The following CIZ1 variants were observed in gnomAD, a reference collection of about 807,000 sequenced individuals.
CIZ1 encodes the protein CDKN1A interacting zinc finger protein 1.
Under a neutral mutation model 118.6 loss-of-function variants are expected in CIZ1, and 58 were observed. The observed-to-expected ratio is 0.49, with a 90% CI of 0.40 to 0.61. The LOEUF (loss-of-function observed/expected upper bound fraction) is 0.61, where lower values mean the gene tolerates loss of function less well. Among genes scored for constraint, CIZ1 ranks in the 20% least tolerant of loss-of-function variants. CIZ1 has a pLI of 0.00. For synonymous variants in CIZ1, 448 were observed against 443.4 expected, an observed-to-expected ratio of 1.01 and a Z score of -0.13; for missense variants, 921 against 1,115.9, an observed-to-expected ratio of 0.83 and a Z score of 2.49.
At chr9:128,178,308 G>T in intron 9 of CIZ1, 61 bp downstream of exon 9, 2 of 1,550,860 alleles carry the variant, frequency 1.3e-6, no homozygotes, top group Non-Finnish European at 8.7e-7. Flanking sequence ...GGCAGAAAGA[G>T]GCCATCCCAC....
Position 128,203,262 on chromosome 9 carries a change from G to A in CIZ1, c.-6+924C>T, listed in dbSNP as rs1477610052. ...AGGTGAAAACTACGACACCCATGAT[G>A]CCCCGGACGGCGCCTGCGCACGGCG... On this transcript the variant is annotated intron_variant, in intron 1 of 17. Transcript: ENST00000372948. The surrounding 1 kb of genome is among the most constrained non-coding windows in gnomAD (Gnocchi z 5.3). 3 of 221,926 alleles carry A rather than the reference G, an allele frequency of 1.4e-5. No homozygotes were observed. The highest frequency in any genetic ancestry group is 1.2e-4 in the Admixed American group (2 of 16,956). The allele number at this position is 221,926 out of a possible 1,614,324, so 13.7% of individuals were successfully genotyped here.
At chr9:128,202,368 T>A (rs1304198662) in intron 1 of CIZ1, among the ~76,000 whole-genome samples, 1 of 152,148 alleles carries the variant, frequency 6.6e-6, no homozygotes, top group Non-Finnish European at 1.5e-5. Flanking sequence ...TCTGTCTGTG[T>A]GAAAGGGTAC....
chr9:128,166,677 A>AGT lies in CIZ1; in HGVS notation c.2487+80_2487+81dup. ...GGGATTGAGGCCCTGCACAAGAGGG[A>AGT]GTGGCCACTAGCCACCCGAATCAGC... On this transcript the variant is annotated intron_variant, in intron 16 of 16. Coordinates refer to ENST00000372938, the MANE Select transcript of CIZ1 (RefSeq NM_001131016.2). This position sits in a 1 kb window ranked among gnomAD's most constrained non-coding sequence, Gnocchi z 4.4. 1.3e-6 allele frequency: 2 copies of AGT among 1,544,404 alleles called. No individual in the cohort carries two copies. The highest frequency in any genetic ancestry group is 1.8e-6 in the Non-Finnish European group (2 of 1,119,972).
intron 14 of CIZ1, 181 bp downstream of exon 14, chr9:128,168,871 C>T (rs1829776221): frequency 1.1e-6 from 1 of 880,466 alleles, no homozygotes; most frequent in Non-Finnish European, 1.7e-6. Flanking sequence ...TTAACTGCCA[C>T]TCTCTAGTCA....
In CIZ1 at chr9:128,178,979, G is replaced by C. The variant is rs769502179; in HGVS notation, c.1228C>G (p.Gln410Glu). The change falls in exon 8 of 17, where the codon CAG (glutamine) becomes GAG (glutamate). Residue 410 changes from glutamine (Q) to glutamate (E), a missense_variant. Physicochemically the swap from Gln to Glu is conservative, Grantham distance 29. Transcript: ENST00000372938. Reference protein sequence around the residue: ...LKQVQPQVQPQAHSQPPRQVQ... With the variant: ...LKQVQPQVQPEAHSQPPRQVQ... ...TGCCTTGGGGGCTGTGAATGTGCCT[G>C]GGGCTGCACCTGTGGCTGCACCTGC... 4 of 1,613,030 alleles carry C rather than the reference G, an allele frequency of 2.5e-6. No homozygotes were observed. The African/African-American group carries it at 5.3e-5, about 21-fold the overall frequency.
chr9:128,178,957 C>T lies in CIZ1; in HGVS notation c.1250G>A (p.Arg417Lys), dbSNP rs200695614. 4.3e-6 allele frequency: 7 copies of T among 1,613,554 alleles called. No individual in the cohort carries two copies. The Admixed American group carries it at 1.2e-4, about 27-fold the overall frequency. ...CTTCTGCAGCTGCAGCTGCACCTGCCTTGGGGGCTGTGAATGTGCCTGGGG... is the reference window on the plus strand; with the variant it reads ...CTTCTGCAGCTGCAGCTGCACCTGCTTTGGGGGCTGTGAATGTGCCTGGGG... ...VQPQAHSQPP[R>K]QVQLQLQKQV... The change falls in exon 8 of 17, where the codon AGG becomes AAG. Residue 417 changes from arginine (R) to lysine (K), a missense_variant. By Grantham distance (26) the Arg-to-Lys change is conservative. Transcript: ENST00000372938.
chr9:128,169,824 C>A, intron 12 of CIZ1, 196 bp downstream of exon 12: 1 of 1,114,132 alleles, frequency 9.0e-7, no homozygotes, highest in South Asian at 1.4e-5. Context: ...TGAGATGGGG[C>A]CTGGCCTACA....
intron 14 of CIZ1, 91 bp from the exon 15 acceptor site, chr9:128,167,255 G>A (rs899511179): frequency 1.1e-6 from 1 of 925,386 alleles, no homozygotes. Context: ...CAATGCCCTT[G>A]GACACACAGA....
intron 11 of CIZ1, among the ~76,000 whole-genome samples, chr9:128,170,721 C>T (rs1830025925): frequency 1.3e-5 from 2 of 152,224 alleles, no homozygotes; most frequent in South Asian, 4.1e-4. Context: ...CAAATTATGT[C>T]AGAACAATTT....
At chr9:128,201,875 G>A (rs1237595849) in intron 1 of CIZ1, among the ~76,000 whole-genome samples, 1 of 152,180 alleles carries the variant, frequency 6.6e-6, no homozygotes, top group Non-Finnish European at 1.5e-5. Context: ...GTGCTACCAG[G>A]GAGAGGGCCT....
chr9:128,173,928 C>T (rs1830510191), intron 11 of CIZ1, among the ~76,000 whole-genome samples: 1 of 152,026 alleles, frequency 6.6e-6, no homozygotes, highest in Non-Finnish European at 1.5e-5. Flanking sequence ...ATGGCGTGAA[C>T]CCAGGAGGCG....
chr9:128,172,851 GAA>G (rs977429056), intron 11 of CIZ1, among the ~76,000 whole-genome samples: 1 of 151,636 alleles, frequency 6.6e-6, no homozygotes, highest in Admixed American at 6.6e-5. Context: ...TTTAAAATCA[GAA>G]AAAAAAATTT....
In CIZ1 at chr9:128,177,649, T is replaced by C. The variant is rs377157587; in HGVS notation, c.1735A>G (p.Thr579Ala). 1.2e-4 allele frequency: 183 copies of C among 1,577,298 alleles called. No homozygotes were observed. Among genetic ancestry groups the C allele is most frequent in the Non-Finnish European group, 1.5e-4 (171 of 1,161,760 alleles). The change falls in exon 10 of 17, where the codon ACC becomes GCC. Residue 579 changes from threonine (T) to alanine (A), a missense_variant. Physicochemically the swap from Thr to Ala is moderately conservative, Grantham distance 58. Coordinates refer to ENST00000372938, the MANE Select transcript of CIZ1 (RefSeq NM_001131016.2). ...VPRPSDSVSS[T>A]PAATSTPSKQ... ...GAGGGAGTGCTGGTAGCCGCAGGGG[T>C]GGAGGAGACGGAGTCACTGGGGCGG...
At chr9:128,174,899 C>T (rs1830674937) in intron 11 of CIZ1, among the ~76,000 whole-genome samples, 1 of 152,170 alleles carries the variant, frequency 6.6e-6, no homozygotes, top group Non-Finnish European at 1.5e-5. Context: ...CTCAGGTGAT[C>T]CGCCCATCTC....
chr9:128,197,744 C>A (rs1234566263), intron 1 of CIZ1: 1 of 152,264 alleles, frequency 6.6e-6, no homozygotes, highest in Non-Finnish European at 1.5e-5. Flanking sequence ...GGAGAAGTTT[C>A]TTTGGACAGT....
chr9:128,190,832 TG>T lies in CIZ1; in HGVS notation c.25del (p.Gln9SerfsTer61). The T allele has an allele frequency of 7.1e-7, 1 of 1,413,744 alleles. No homozygotes were observed. The highest frequency in any genetic ancestry group is 2.6e-5 in the East Asian group (1 of 38,706). 87.6% of individuals were successfully genotyped at this position (1,413,744 alleles called of 1,614,324 possible). A position where few individuals can be genotyped will look rare whatever the true frequency, so the allele number is the denominator to read the frequency against. MFSQQQQQ[Q>X]LQQQQQQLQQ... is the part of the protein sequence containing the mutation. The stretch of plus-strand genomic sequence containing the variant: ...GAGCTGCTGCTGCTGTTGCTGGAGC[TG>T]CTGCTGCTGCTGCTGGCTGAACATG... On this transcript the variant is annotated frameshift_variant, in exon 2 of 17. Coordinates refer to ENST00000372938, the MANE Select transcript of CIZ1 (RefSeq NM_001131016.2). LOFTEE classifies it high-confidence loss of function.
At chr9:128,183,048 T>G (rs1375293477) in intron 5 of CIZ1, among the ~76,000 whole-genome samples, 1 of 152,198 alleles carries the variant, frequency 6.6e-6, no homozygotes, top group Non-Finnish European at 1.5e-5. Flanking sequence ...GGGAGTCCCC[T>G]GCAGGGGCTT....
chr9:128,186,762 T>G (rs1832424236), intron 4 of CIZ1, among the ~76,000 whole-genome samples: 1 of 152,096 alleles, frequency 6.6e-6, no homozygotes, highest in East Asian at 1.9e-4. Flanking sequence ...TCAGACATCC[T>G]GCCTCAGGGC....
At chr9:128,168,220 A>C (rs1829680305) in intron 14 of CIZ1, among the ~76,000 whole-genome samples, 1 of 152,262 alleles carries the variant, frequency 6.6e-6, no homozygotes, top group South Asian at 2.1e-4. Flanking sequence ...AACGTGTTAA[A>C]CTGCAAAGAA....
Sources: allele counts gnomAD v4.1 joint callset (sites outside exome capture counted in the v4.1 genomes callset), GRCh38; gene constraint gnomAD v4.1.1; non-coding constraint Gnocchi (gnomAD v3.1); transcripts MANE v1.5; gene names NCBI Gene and HGNC (gene_info 2026-07-23, HGNC 2026-07-21).